OTUD7A: variants seen among roughly 807,000 people sequenced by gnomAD.
OTUD7A encodes the protein OTU domain-containing protein 7A.
Under a neutral mutation model 65.7 loss-of-function variants are expected in OTUD7A, and 12 were observed. The observed-to-expected ratio is 0.18, with a 90% CI of 0.12 to 0.30. OTUD7A has a LOEUF of 0.30. Among genes scored for constraint, OTUD7A ranks in the 10% least tolerant of loss-of-function variants. The pLI is 1.00. For synonymous variants in OTUD7A, 641 were observed against 586.3 expected (o/e 1.09, Z -1.35); for missense variants, 1,148 against 1,304.8 (o/e 0.88, Z 1.85).
chr15:31,700,004 C>T (rs911075632), intron 1 of OTUD7A, among the ~76,000 whole-genome samples: 1 of 151,454 alleles, frequency 6.6e-6, no homozygotes, highest in Non-Finnish European at 1.5e-5. Context: ...CTATCCCCTG[C>T]CTACATCTGG....
intron 1 of OTUD7A, chr15:31,766,931 G>A: frequency 6.2e-7 from 1 of 1,611,186 alleles, no homozygotes; most frequent in East Asian, 2.2e-5. Context: ...TAGCACCTTG[G>A]TTTGCTGTTA....
At chr15:31,525,229 G>A (rs920610135) in intron 8 of OTUD7A, among the ~76,000 whole-genome samples, 3 of 152,190 alleles carry the variant, frequency 2.0e-5, no homozygotes, top group East Asian at 1.9e-4. Context: ...CTCGGGAGGC[G>A]TGCAGAGGAA....
At chr15:31,638,819 C>G (rs1244047787) in intron 3 of OTUD7A, among the ~76,000 whole-genome samples, 2 of 152,088 alleles carry the variant, frequency 1.3e-5, no homozygotes, top group Non-Finnish European at 2.9e-5. Flanking sequence ...CTGCAAGATA[C>G]CATACATATA....
At chr15:31,723,152 G>C (rs1893787447) in intron 1 of OTUD7A, among the ~76,000 whole-genome samples, 2 of 152,212 alleles carry the variant, frequency 1.3e-5, no homozygotes, top group South Asian at 4.1e-4. Flanking sequence ...CCAGAAAGGA[G>C]GGGAGCTCCT....
intron 1 of OTUD7A, among the ~76,000 whole-genome samples, chr15:31,709,991 T>C (rs1186672935): frequency 6.6e-6 from 1 of 151,216 alleles, no homozygotes; most frequent in Non-Finnish European, 1.5e-5. Context: ...GTCATGTTTG[T>C]GTAAGTACAG....
rs777418666 is a variant in OTUD7A, at chr15:31,484,098, C to A, written c.1998G>T (p.Thr666=). The change falls in exon 13 of 13, where the codon ACG becomes ACT. Residue 666 remains threonine, a synonymous_variant. Transcript: ENST00000307050. This position sits in a 1 kb window ranked among gnomAD's most constrained non-coding sequence, Gnocchi z 4.5. ...CGGCGCTGAAGCGCTCCTGCGCGCTCGTCAGGTAGTAGCCGATCATCTCCT... is the reference window on the plus strand; with the variant it reads ...CGGCGCTGAAGCGCTCCTGCGCGCTAGTCAGGTAGTAGCCGATCATCTCCT... ...FHEEMIGYYL[T]SAQERFSAEQ... is the part of the protein sequence containing the mutation. 2.5e-6 allele frequency: 4 copies of A among 1,602,746 alleles called. No homozygotes were observed. In the Admixed American group the frequency reaches 5.0e-5, roughly 20 times the overall value.
At chr15:31,559,581 C>T (rs1180316062) in intron 4 of OTUD7A, among the ~76,000 whole-genome samples, 1 of 152,170 alleles carries the variant, frequency 6.6e-6, no homozygotes, top group Admixed American at 6.5e-5. Context: ...ATACACTGCA[C>T]ATCCACTTGT....
intron 3 of OTUD7A, among the ~76,000 whole-genome samples, chr15:31,617,316 G>A (rs978859452): frequency 6.6e-6 from 1 of 151,934 alleles, no homozygotes; most frequent in East Asian, 1.9e-4. Context: ...GTGAAACCCC[G>A]TCTCTACTAA....
In OTUD7A at chr15:31,592,012, T is replaced by C. The variant is rs558346633; in HGVS notation, c.152-21815A>G. On this transcript the variant is annotated intron_variant, in intron 3 of 12. Transcript: ENST00000307050. ...CTAAACATGTCTAAAAATAAAAAAG[T>C]ACAGTAAAAATATGGTATAAAAAAT... 5.3e-5 allele frequency among the ~76,000 whole-genome samples: 8 copies of C among 152,208 alleles called. No homozygotes were observed. In the East Asian group the frequency reaches 1.4e-3, roughly 26 times the overall value.
intron 1 of OTUD7A, among the ~76,000 whole-genome samples, chr15:31,682,461 C>T (rs981649164): frequency 6.6e-6 from 1 of 152,104 alleles, no homozygotes; most frequent in Non-Finnish European, 1.5e-5. Context: ...TTAGAGGACT[C>T]GCACACTTGA....
intron 3 of OTUD7A, among the ~76,000 whole-genome samples, chr15:31,640,842 GT>G (rs1305025957): frequency 6.6e-6 from 1 of 151,916 alleles, no homozygotes; most frequent in African/African-American, 2.4e-5. Flanking sequence ...GTGCATATGT[GT>G]GTGTATGTGT....
intron 3 of OTUD7A, among the ~76,000 whole-genome samples, chr15:31,616,552 A>C (rs766018591): frequency 2.0e-5 from 3 of 152,054 alleles, no homozygotes; most frequent in Non-Finnish European, 4.4e-5. Context: ...TTTTACTTTT[A>C]TTCATTTATT....
At chr15:31,572,099 T>C (rs531603503) in intron 3 of OTUD7A, among the ~76,000 whole-genome samples, 1 of 152,308 alleles carries the variant, frequency 6.6e-6, no homozygotes, top group African/African-American at 2.4e-5. Context: ...ATCCTAAGTT[T>C]TAAAGCCAAA....
At chr15:31,697,656 C>G (rs987171808) in intron 1 of OTUD7A, among the ~76,000 whole-genome samples, 1 of 152,100 alleles carries the variant, frequency 6.6e-6, no homozygotes, top group African/African-American at 2.4e-5. Flanking sequence ...ACCAGGCATG[C>G]GCCATATTCT....
chr15:31,638,599 G>A (rs1428460417), intron 3 of OTUD7A, among the ~76,000 whole-genome samples: 1 of 149,600 alleles, frequency 6.7e-6, no homozygotes, highest in East Asian at 2.0e-4. Flanking sequence ...GTCTCACCAT[G>A]CTGCCCAAGC....
At chr15:31,799,098 C>A (rs1896050180) in intron 1 of OTUD7A, among the ~76,000 whole-genome samples, 1 of 152,110 alleles carries the variant, frequency 6.6e-6, no homozygotes, top group Non-Finnish European at 1.5e-5. Flanking sequence ...ATGTTCTAAG[C>A]CAGGAGTGAG....
In OTUD7A at chr15:31,811,346, C is replaced by T. The variant is rs555213571; in HGVS notation, c.-100+59161G>A. Reference sequence around the variant, plus strand: ...TATGTGCATGGTATGTGTGTAAGTGCGTGTGTGTGTGGTGTGTGTGATATG... The same window carrying T: ...TATGTGCATGGTATGTGTGTAAGTGTGTGTGTGTGTGGTGTGTGTGATATG... On this transcript the variant is annotated intron_variant, in intron 1 of 12. Coordinates refer to ENST00000307050, the MANE Select transcript of OTUD7A (RefSeq NM_001382637.1). 6.6e-5 allele frequency among the ~76,000 whole-genome samples: 10 copies of T among 150,532 alleles called. No individual in the cohort carries two copies. In the South Asian group the frequency reaches 1.3e-3, roughly 19 times the overall value.
chr15:31,725,934 T>C (rs1401852313), intron 1 of OTUD7A, among the ~76,000 whole-genome samples: 1 of 152,192 alleles, frequency 6.6e-6, no homozygotes, highest in Admixed American at 6.5e-5. Flanking sequence ...TATGTGTTAC[T>C]GTATCTAACT....
At chr15:31,592,437 C>T (rs549928170) in intron 3 of OTUD7A, among the ~76,000 whole-genome samples, 73 of 151,990 alleles carry the variant, frequency 4.8e-4, no homozygotes, top group African/African-American at 1.4e-3. Context: ...CAGGATCATC[C>T]GTATCAGTGT....
Sources: gnomAD v4.1 joint callset for allele counts (sites outside exome capture counted in the v4.1 genomes callset) on GRCh38, gnomAD v4.1.1 for gene constraint, Gnocchi (gnomAD v3.1) non-coding constraint, MANE v1.5 for transcripts, NCBI Gene and HGNC (gene_info 2026-07-23, HGNC 2026-07-21) for gene names.